CNTN4: variants seen among roughly 807,000 people sequenced by gnomAD.
CNTN4 encodes the protein contactin-4.
CNTN4 carries 77 observed loss-of-function variants against 122.5 expected under a neutral mutation model. The ratio of observed to expected loss-of-function variants is 0.63; its 90% CI spans 0.52 to 0.76. CNTN4 has a LOEUF of 0.76. CNTN4 is among the 30% of genes least tolerant of loss of function. The probability of loss-of-function intolerance (pLI) is 0.00; values close to 1 mark genes in which losing one functional copy is unlikely to be tolerated. For synonymous variants in CNTN4, 512 were observed against 447.0 expected (o/e 1.15, Z -1.83); for missense variants, 1,256 against 1,259.1 (o/e 1.00, Z 0.04).
At chr3:2,275,919 CAAA>C (rs767326367) in intron 2 of CNTN4, among the ~76,000 whole-genome samples, 18 of 107,052 alleles carry the variant, frequency 1.7e-4, no homozygotes, top group African/African-American at 1.2e-4. Flanking sequence ...GACTCTGTCT[CAAA>C]AAAAAAAAAA....
chr3:2,224,479 C>G (rs769966340), intron 2 of CNTN4, among the ~76,000 whole-genome samples: 1 of 152,172 alleles, frequency 6.6e-6, no homozygotes, highest in Non-Finnish European at 1.5e-5. Flanking sequence ...ATGAGTTCCT[C>G]CAAATTCTAC....
At chr3:2,113,173 G>C (rs539839542) in intron 2 of CNTN4, among the ~76,000 whole-genome samples, 1 of 152,144 alleles carries the variant, frequency 6.6e-6, no homozygotes, top group Non-Finnish European at 1.5e-5. Flanking sequence ...CAACTGAAGC[G>C]GGTGGAAGGG....
At chr3:3,041,366 G>C (rs541658262) in intron 20 of CNTN4, among the ~76,000 whole-genome samples, 22 of 152,276 alleles carry the variant, frequency 1.4e-4, no homozygotes, top group African/African-American at 5.3e-4. Flanking sequence ...CCTTTTCATA[G>C]CCTTCAACTT....
At chr3:2,185,331 T>G (rs976272059) in intron 2 of CNTN4, among the ~76,000 whole-genome samples, 1 of 152,174 alleles carries the variant, frequency 6.6e-6, no homozygotes, top group African/African-American at 2.4e-5. Flanking sequence ...GCTTTCCCTC[T>G]AGTGTGTAAA....
chr3:2,221,108 A>C (rs2039044411), intron 2 of CNTN4, among the ~76,000 whole-genome samples: 1 of 152,082 alleles, frequency 6.6e-6, no homozygotes, highest in Non-Finnish European at 1.5e-5. Flanking sequence ...AATTGTGGAG[A>C]GGTATCATAT....
intron 3 of CNTN4, among the ~76,000 whole-genome samples, chr3:2,502,599 C>T (rs1219158837): frequency 6.6e-6 from 1 of 152,082 alleles, no homozygotes; most frequent in Non-Finnish European, 1.5e-5. Flanking sequence ...CAGCTGTAAA[C>T]ATGTGAACAG....
chr3:2,673,596 A>C (rs144508716), intron 4 of CNTN4, among the ~76,000 whole-genome samples: 12 of 152,186 alleles, frequency 7.9e-5, no homozygotes, highest in African/African-American at 2.6e-4. Flanking sequence ...GCTGGAGTGC[A>C]GTGGCGTGAT....
chr3:2,682,096 G>A (rs2085195227), intron 4 of CNTN4, among the ~76,000 whole-genome samples: 1 of 152,190 alleles, frequency 6.6e-6, no homozygotes, highest in South Asian at 2.1e-4. Flanking sequence ...TCTACTAGGT[G>A]CAAAGCCATT....
At chr3:2,424,975 T>A (rs2047764168) in intron 3 of CNTN4, among the ~76,000 whole-genome samples, 1 of 152,206 alleles carries the variant, frequency 6.6e-6, no homozygotes, top group Non-Finnish European at 1.5e-5. Context: ...TATTACCCAT[T>A]TGTCAGATGG....
intron 13 of CNTN4, among the ~76,000 whole-genome samples, chr3:2,963,893 G>T (rs1260891602): frequency 2.0e-5 from 3 of 152,142 alleles, no homozygotes; most frequent in African/African-American, 4.8e-5. Flanking sequence ...CACAGTGGAT[G>T]CTCAGGAAGT....
intron 2 of CNTN4, among the ~76,000 whole-genome samples, chr3:2,183,231 C>A (rs1227277423): frequency 2.0e-5 from 3 of 152,014 alleles, no homozygotes; most frequent in Non-Finnish European, 4.4e-5. Context: ...TTTTACCTTT[C>A]TTTTTTAAAA....
chr3:2,607,363 A>C (rs1165213318), intron 4 of CNTN4, among the ~76,000 whole-genome samples: 2 of 152,204 alleles, frequency 1.3e-5, no homozygotes, highest in Non-Finnish European at 2.9e-5. Flanking sequence ...CATCATTTGT[A>C]ATAGCAAAAT....
rs140168746 is a variant in CNTN4 at position 2,302,180 on chromosome 3, C to T, written c.-144-36998C>T. 5.7e-3 allele frequency among the ~76,000 whole-genome samples: 875 copies of T among 152,274 alleles called. 16 individuals carry two copies. The highest frequency in any genetic ancestry group is 0.02 in the African/African-American group (814 of 41,562). On this transcript the variant is annotated intron_variant, in intron 2 of 24. Coordinates refer to ENST00000418658, the MANE Select transcript of CNTN4 (RefSeq NM_175607.3). ...GCACAGTGGCTCATGCCTGTAATCC[C>T]AGCACTAAGGGAGGCTGAGGCGGGT...
At chr3:2,721,310 G>T (rs569772259) in intron 4 of CNTN4, among the ~76,000 whole-genome samples, 1 of 152,230 alleles carries the variant, frequency 6.6e-6, no homozygotes, top group South Asian at 2.1e-4. Flanking sequence ...AATTCTATCT[G>T]CATCCCTTAA....
chr3:2,222,521 T>A (rs1011613528), intron 2 of CNTN4, among the ~76,000 whole-genome samples: 1 of 151,920 alleles, frequency 6.6e-6, no homozygotes, highest in Non-Finnish European at 1.5e-5. Flanking sequence ...TTGAATCATA[T>A]ACTTTATTTT....
chr3:2,276,749 C>G (rs1362914459), intron 2 of CNTN4, among the ~76,000 whole-genome samples: 1 of 152,100 alleles, frequency 6.6e-6, no homozygotes, highest in African/African-American at 2.4e-5. Context: ...AACCCCGTCT[C>G]TACTAAAAAT....
At chr3:2,888,403 C>T (rs979889445) in intron 10 of CNTN4, among the ~76,000 whole-genome samples, 11 of 152,102 alleles carry the variant, frequency 7.2e-5, no homozygotes, top group Non-Finnish European at 1.6e-4. Flanking sequence ...CCTGATGCTG[C>T]CCCTTATTTT....
rs372759007 is a variant in CNTN4 at position 2,937,541 on chromosome 3, A to T, written c.1358+11762A>T. 2.1e-4 allele frequency among the ~76,000 whole-genome samples: 32 copies of T among 152,366 alleles called. 1 individual carries two copies. Among genetic ancestry groups the T allele is most frequent in the African/African-American group, 7.7e-4 (32 of 41,584 alleles). On this transcript the variant is annotated intron_variant, in intron 13 of 24. Transcript: ENST00000418658. ...TATTTTATACAGGTGCTTTAAGTTTATGCTGATAAATATTTATGAATGGTC... is the reference window on the plus strand; with the variant it reads ...TATTTTATACAGGTGCTTTAAGTTTTTGCTGATAAATATTTATGAATGGTC...
intron 3 of CNTN4, among the ~76,000 whole-genome samples, chr3:2,538,867 A>T (rs2077919059): frequency 1.3e-5 from 2 of 151,738 alleles, no homozygotes; most frequent in African/African-American, 4.8e-5. Context: ...ACACACCCAC[A>T]ATGTTCTTTA....
Sources: gnomAD v4.1 joint callset for allele counts (sites outside exome capture counted in the v4.1 genomes callset) on GRCh38, gnomAD v4.1.1 for gene constraint, MANE v1.5 for transcripts, NCBI Gene and HGNC (gene_info 2026-07-23, HGNC 2026-07-21) for gene names.